PAK3: variants seen among roughly 807,000 people sequenced by gnomAD.
PAK3 encodes the protein p21 (RAC1) activated kinase 3.
PAK3 carries 4 observed loss-of-function variants against 41.0 expected under a neutral mutation model. That is an observed-to-expected ratio of 0.10 (90% CI 0.05 to 0.22). The LOEUF is 0.22. Ranked by LOEUF, PAK3 falls within the 10% of genes least tolerant of loss-of-function variation. The pLI, the probability that PAK3 is intolerant of heterozygous loss-of-function variation, is 1.00. For synonymous variants in PAK3, 146 were observed against 139.6 expected, an observed-to-expected ratio of 1.05 and a Z score of -0.32; for missense variants, 205 against 409.9, an observed-to-expected ratio of 0.50 and a Z score of 4.32.
Position 111,162,928 on chromosome X carries a change from C to T in PAK3, c.482C>T (p.Ala161Val), listed in dbSNP as rs1410864522. The change falls in exon 9 of 18, where the codon GCA (alanine) becomes GTA (valine). Residue 161 changes from alanine (A) to valine (V), a missense_variant. By Grantham distance (64) the Ala-to-Val change is moderately conservative (BLOSUM62 0). Coordinates refer to ENST00000372007, the MANE Select transcript of PAK3 (RefSeq NM_002578.5). ...IAAHPSSTKT[A>V]SEPPLAPPVS... ...TTTTGTCACAAGAGTACAAAAACAG[C>T]ATCTGAGCCTCCATTGGCCCCTCCT... 2.5e-6 allele frequency: 3 copies of T among 1,203,415 alleles called. No individual in the cohort carries two copies. Among genetic ancestry groups the T allele is most frequent in the African/African-American group, 1.8e-5 (1 of 56,900 alleles).
chrX:111,188,508 AG>A (rs1208729514), intron 11 of PAK3, among the ~76,000 whole-genome samples: 1 of 111,472 alleles, frequency 9.0e-6, no homozygotes, highest in South Asian at 3.8e-4. Context: ...CCACTTCCCT[AG>A]GGGGGGAGAA....
chrX:111,179,904 G>A (rs1036201250), intron 11 of PAK3, among the ~76,000 whole-genome samples: 10 of 111,035 alleles, frequency 9.0e-5, no homozygotes, highest in African/African-American at 2.3e-4. Flanking sequence ...GATTACAGGC[G>A]TGTGTCACCA....
At chrX:111,148,877 C>T (rs955780430) in intron 7 of PAK3, among the ~76,000 whole-genome samples, 4 of 111,084 alleles carry the variant, frequency 3.6e-5, no homozygotes, top group Admixed American at 9.6e-5. Flanking sequence ...ATTTCAGAAC[C>T]AATCATGCCT....
At chrX:110,964,610 T>A (rs1188420469) in intron 1 of PAK3, among the ~76,000 whole-genome samples, 2 of 112,437 alleles carry the variant, frequency 1.8e-5, no homozygotes, top group Non-Finnish European at 3.8e-5. Context: ...TTGAGTTGTG[T>A]ACTGTGCTCC....
chrX:111,029,095 C>G (rs972949458), intron 1 of PAK3, among the ~76,000 whole-genome samples: 1 of 111,627 alleles, frequency 9.0e-6, no homozygotes, highest in Non-Finnish European at 1.9e-5. Context: ...TGTGGTCATG[C>G]CACTGCACTC....
intron 1 of PAK3, among the ~76,000 whole-genome samples, chrX:111,097,140 CCTT>C (rs1447927402): frequency 2.8e-5 from 3 of 108,953 alleles, no homozygotes; most frequent in Admixed American, 9.8e-5. Flanking sequence ...CACTGCCTCT[CCTT>C]CTCTCCTGTT....
At chrX:111,043,759 C>T (rs748415219) in intron 1 of PAK3, among the ~76,000 whole-genome samples, 17 of 111,904 alleles carry the variant, frequency 1.5e-4, no homozygotes, top group African/African-American at 5.2e-4. Context: ...GTGGTTTACC[C>T]TTATTCTGCA....
chrX:110,981,372 T>A (rs2091443953), intron 1 of PAK3, among the ~76,000 whole-genome samples: 1 of 112,005 alleles, frequency 8.9e-6, no homozygotes, highest in African/African-American at 3.2e-5. Context: ...TTGGTGACAT[T>A]TGAAAGAGGT....
chrX:111,206,406 C>A (rs976777895), intron 16 of PAK3, among the ~76,000 whole-genome samples: 3 of 111,606 alleles, frequency 2.7e-5, no homozygotes, highest in Non-Finnish European at 5.6e-5. Flanking sequence ...TCTTAGCAAG[C>A]ATTATTAGTT....
In PAK3 at chrX:111,173,048, A is replaced by G; in HGVS notation, c.797A>G (p.Lys266Arg). The G allele has an allele frequency of 8.8e-7, 1 of 1,138,721 alleles. No homozygotes were observed. Among genetic ancestry groups the G allele is most frequent in the Non-Finnish European group, 1.2e-6 (1 of 830,254 alleles). 93.8% of individuals were successfully genotyped at this position (1,138,721 alleles called of 1,213,427 possible). ...RSIVSVGDPK[K>R]KYTRFEKIGQ... ...ATTGTGAGTGTTGGGGACCCAAAGA[A>G]AAAATACACAAGATTTGAAAAAATT... The change falls in exon 11 of 18, where the codon AAA (lysine) becomes AGA (arginine). Residue 266 changes from lysine to arginine, a missense_variant. Coordinates refer to ENST00000372007, the MANE Select transcript of PAK3 (RefSeq NM_002578.5).
At chrX:111,016,649 C>T (rs1420093004) in intron 1 of PAK3, among the ~76,000 whole-genome samples, 6 of 108,574 alleles carry the variant, frequency 5.5e-5, no homozygotes, top group African/African-American at 6.7e-5. Context: ...AATGTGATTA[C>T]TATTCAGTAG....
intron 11 of PAK3, among the ~76,000 whole-genome samples, chrX:111,175,693 T>C (rs2094397528): frequency 9.0e-6 from 1 of 111,531 alleles, no homozygotes; most frequent in African/African-American, 3.3e-5. Flanking sequence ...ACAAGATGGT[T>C]TCAGATACCT....
At chrX:111,026,359 C>A in intron 1 of PAK3, among the ~76,000 whole-genome samples, 1 of 111,496 alleles carries the variant, frequency 9.0e-6, no homozygotes. Flanking sequence ...AAGAGGAAGT[C>A]AAGCTGTCCC....
chrX:111,039,597 C>G (rs1294159062), intron 1 of PAK3, among the ~76,000 whole-genome samples: 7 of 111,605 alleles, frequency 6.3e-5, no homozygotes, highest in Non-Finnish European at 9.4e-5. Flanking sequence ...GCTGGAGTTA[C>G]TCTAAGCTCA....
chrX:110,955,239 C>A (rs2148600438), intron 1 of PAK3, among the ~76,000 whole-genome samples: 1 of 112,007 alleles, frequency 8.9e-6, no homozygotes, highest in African/African-American at 3.2e-5. Context: ...TTTGAAGTAG[C>A]CGAACTTTTC....
intron 11 of PAK3, among the ~76,000 whole-genome samples, chrX:111,190,056 C>G (rs1472754803): frequency 8.9e-6 from 1 of 111,791 alleles, no homozygotes; most frequent in African/African-American, 3.2e-5. Flanking sequence ...CCCAGAATCT[C>G]ACACTTACAG....
At chrX:110,947,230 G>T (rs971990450) in intron 1 of PAK3, among the ~76,000 whole-genome samples, 3 of 112,116 alleles carry the variant, frequency 2.7e-5, no homozygotes, top group Admixed American at 1.9e-4. Context: ...TGAAAGGAAT[G>T]ACAGAAGTAG....
chrX:110,959,330 C>T (rs989141719), intron 1 of PAK3, among the ~76,000 whole-genome samples: 1 of 112,049 alleles, frequency 8.9e-6, no homozygotes, highest in South Asian at 3.8e-4. Context: ...AATCCACTGC[C>T]ACTACCCCAA....
At chrX:110,982,713 T>C (rs945361993) in intron 1 of PAK3, among the ~76,000 whole-genome samples, 3 of 111,262 alleles carry the variant, frequency 2.7e-5, no homozygotes, top group Non-Finnish European at 5.7e-5. Flanking sequence ...AGGGTGAACT[T>C]TTTCTTTTTC....
Sources: allele counts gnomAD v4.1 joint callset (sites outside exome capture counted in the v4.1 genomes callset), GRCh38; gene constraint gnomAD v4.1.1; transcripts MANE v1.5; gene names NCBI Gene and HGNC (gene_info 2026-07-23, HGNC 2026-07-21).